The following UBTD1 variants were observed in gnomAD, a reference collection of about 807,000 sequenced individuals.
UBTD1 encodes ubiquitin domain containing 1.
Under a neutral mutation model 21.7 loss-of-function variants are expected in UBTD1, and 19 were observed. The observed-to-expected ratio is 0.87, with a 90% CI of 0.61 to 1.28. The LOEUF (loss-of-function observed/expected upper bound fraction) is 1.28. UBTD1 is among the 50% of genes most tolerant of loss of function. UBTD1 has a pLI of 0.00. For synonymous variants in UBTD1, 116 were observed against 135.1 expected (o/e 0.86, Z 0.98); for missense variants, 282 against 315.1 (o/e 0.89, Z 0.80).
intron 1 of UBTD1, among the ~76,000 whole-genome samples, chr10:97,514,572 C>A (rs1373617847): frequency 1.3e-5 from 2 of 152,186 alleles, no homozygotes; most frequent in South Asian, 4.1e-4. Context: ...TAGCATCGCC[C>A]TTCCGCTGAT....
chr10:97,500,707 CCTT>C (rs2040371595), intron 1 of UBTD1, among the ~76,000 whole-genome samples: 1 of 152,164 alleles, frequency 6.6e-6, no homozygotes, highest in African/African-American at 2.4e-5. Context: ...TCCACCATCA[CCTT>C]CTAGCTTGGG....
chr10:97,567,310 C>T (rs1318101769), intron 1 of UBTD1, among the ~76,000 whole-genome samples: 2 of 150,344 alleles, frequency 1.3e-5, no homozygotes, highest in African/African-American at 4.9e-5. Flanking sequence ...CGGGCTCAAG[C>T]AATCCTACTG....
At chr10:97,529,683 G>A (rs1455554670) in intron 1 of UBTD1, among the ~76,000 whole-genome samples, 1 of 152,210 alleles carries the variant, frequency 6.6e-6, no homozygotes, top group Non-Finnish European at 1.5e-5. Flanking sequence ...GCAGTGAGCC[G>A]AGATGGCAGC....
intron 1 of UBTD1, among the ~76,000 whole-genome samples, chr10:97,538,519 G>A (rs1169182961): frequency 2.0e-5 from 3 of 152,196 alleles, no homozygotes; most frequent in Non-Finnish European, 2.9e-5. Context: ...GGATCCTTGT[G>A]TGTATCATTT....
chr10:97,540,547 G>A (rs1018524731), intron 1 of UBTD1, among the ~76,000 whole-genome samples: 1 of 152,252 alleles, frequency 6.6e-6, no homozygotes. Context: ...TCTTGTTCAT[G>A]TCATTCTTAT....
At chr10:97,551,006 T>C (rs758524499) in intron 1 of UBTD1, among the ~76,000 whole-genome samples, 6 of 152,216 alleles carry the variant, frequency 3.9e-5, no homozygotes, top group Non-Finnish European at 5.9e-5. Context: ...TTTGTTAAGA[T>C]GTGGCTGGGC....
At chr10:97,543,785 T>C (rs1298657257) in intron 1 of UBTD1, among the ~76,000 whole-genome samples, 2 of 152,168 alleles carry the variant, frequency 1.3e-5, no homozygotes, top group Non-Finnish European at 2.9e-5. Context: ...ACAACCAGGG[T>C]GAAAATTATG....
intron 1 of UBTD1, among the ~76,000 whole-genome samples, chr10:97,529,853 C>A (rs1454788470): frequency 6.6e-6 from 1 of 152,166 alleles, no homozygotes; most frequent in African/African-American, 2.4e-5. Context: ...GTGTGATCTA[C>A]CTGGCAGCAC....
intron 1 of UBTD1, among the ~76,000 whole-genome samples, chr10:97,516,079 T>A (rs533640845): frequency 6.6e-6 from 1 of 152,194 alleles, no homozygotes; most frequent in Non-Finnish European, 1.5e-5. Context: ...ATACATGGCT[T>A]TTCCAGTTGG....
At chr10:97,541,417 G>A (rs549878397) in intron 1 of UBTD1, among the ~76,000 whole-genome samples, 23 of 152,230 alleles carry the variant, frequency 1.5e-4, no homozygotes, top group African/African-American at 4.8e-4. Context: ...GGTCAAGGCT[G>A]CAGTGGGCTA....
chr10:97,546,442 T>C (rs1331689987), intron 1 of UBTD1, among the ~76,000 whole-genome samples: 1 of 151,692 alleles, frequency 6.6e-6, no homozygotes, highest in African/African-American at 2.4e-5. Flanking sequence ...TCAAAAAAAT[T>C]AGCCGAATGT....
At chr10:97,502,616 A>G (rs755684606) in intron 1 of UBTD1, among the ~76,000 whole-genome samples, 4 of 152,152 alleles carry the variant, frequency 2.6e-5, no homozygotes, top group African/African-American at 4.8e-5. Context: ...CTGTTTTATC[A>G]TCTTCACAAA....
chr10:97,537,063 G>A (rs1178888419), intron 1 of UBTD1, among the ~76,000 whole-genome samples: 1 of 152,108 alleles, frequency 6.6e-6, no homozygotes, highest in African/African-American at 2.4e-5. Flanking sequence ...CTTTAGTTAG[G>A]CCAGCAGGGC....
chr10:97,565,926 C>T (rs2040715108), intron 1 of UBTD1, among the ~76,000 whole-genome samples: 1 of 152,044 alleles, frequency 6.6e-6, no homozygotes, highest in Non-Finnish European at 1.5e-5. Flanking sequence ...ATTGCCCAGG[C>T]TGATCTCGAA....
At chr10:97,551,520 C>A (rs2040637330) in intron 1 of UBTD1, among the ~76,000 whole-genome samples, 1 of 152,208 alleles carries the variant, frequency 6.6e-6, no homozygotes, top group Non-Finnish European at 1.5e-5. Flanking sequence ...GGACAGGAAC[C>A]ATTTCTGTTA....
chr10:97,531,571 T>C (rs1197074971), intron 1 of UBTD1, among the ~76,000 whole-genome samples: 1 of 152,060 alleles, frequency 6.6e-6, no homozygotes, highest in East Asian at 1.9e-4. Context: ...ATCTTTTAAA[T>C]GTAAAAAATA....
intron 1 of UBTD1, among the ~76,000 whole-genome samples, chr10:97,502,619 T>C (rs2040380911): frequency 6.6e-6 from 1 of 152,176 alleles, no homozygotes; most frequent in Admixed American, 6.5e-5. Context: ...TTTTATCATC[T>C]TCACAAAGGC....
chr10:97,537,451 C>T (rs968037941), intron 1 of UBTD1, among the ~76,000 whole-genome samples: 3 of 152,222 alleles, frequency 2.0e-5, no homozygotes, highest in Non-Finnish European at 4.4e-5. Flanking sequence ...GTGACCTGTG[C>T]TCTTGCACCT....
chr10:97,542,209 G>A (rs531540156), intron 1 of UBTD1, among the ~76,000 whole-genome samples: 6 of 152,022 alleles, frequency 3.9e-5, no homozygotes, highest in Non-Finnish European at 7.4e-5. Flanking sequence ...TGCATCTGGC[G>A]GTGGGCAGGA....
Sources: gnomAD v4.1 joint callset for allele counts (sites outside exome capture counted in the v4.1 genomes callset) on GRCh38, gnomAD v4.1.1 for gene constraint, MANE v1.5 for transcripts, NCBI Gene and HGNC (gene_info 2026-07-23, HGNC 2026-07-21) for gene names.